Variants in SPOCD1 observed in about 807,000 individuals in gnomAD.
The protein encoded by SPOCD1 is SPOC domain containing 1.
Under a neutral mutation model 92.2 loss-of-function variants are expected in SPOCD1, and 64 were observed. The observed-to-expected ratio is 0.69, with a 90% confidence interval of 0.57 to 0.86. The LOEUF (loss-of-function observed/expected upper bound fraction) is 0.86, where lower values mean the gene tolerates loss of function less well. Ranked by LOEUF, SPOCD1 falls within the 40% of genes least tolerant of loss-of-function variation. The pLI is 0.00. For synonymous variants in SPOCD1, 578 were observed against 619.3 expected, an observed-to-expected ratio of 0.93 and a Z score of 0.99; for missense variants, 1,360 against 1,543.1, an observed-to-expected ratio of 0.88 and a Z score of 1.99.
At chr1:31,793,926 CAG>C (rs1285880508) in intron 11 of SPOCD1, 29 bp from the exon 12 acceptor site, 41 of 1,596,282 alleles carry the variant, frequency 2.6e-5, no homozygotes, top group Non-Finnish European at 3.3e-5. Context: ...GGAGCTGAAA[CAG>C]GGGCAGCAGC....
At chr1:31,792,653 G>C (rs753029813) in intron 14 of SPOCD1, 25 bp downstream of exon 14, 2 of 1,548,568 alleles carry the variant, frequency 1.3e-6, no homozygotes, top group Admixed American at 1.9e-5. Context: ...AGGAAAAGAG[G>C]GGGTGCCCAA....
Position 31,800,609 on chromosome 1 carries a change from G to T in SPOCD1, c.1434C>A (p.Ser478=). 1.2e-6 allele frequency: 2 copies of T among 1,604,174 alleles called. No individual in the cohort carries two copies. The highest frequency in any genetic ancestry group is 1.7e-6 in the Non-Finnish European group (2 of 1,174,210). ...CCCCCAGGAGCTGGATCACTGGCCCGGAACCCAGCTGCGGGGGAGATCGCA... is the reference window on the plus strand; with the variant it reads ...CCCCCAGGAGCTGGATCACTGGCCCTGAACCCAGCTGCGGGGGAGATCGCA... ...HGVKLVCYLG[S]GPVIQLLGAI... The change falls in exon 4 of 16, where the codon TCC becomes TCA. Residue 478 remains serine, a synonymous_variant. Coordinates refer to ENST00000360482, the MANE Select transcript of SPOCD1 (RefSeq NM_144569.7).
chr1:31,808,359 C>T (rs1429904431), intron 2 of SPOCD1, among the ~76,000 whole-genome samples: 2 of 151,294 alleles, frequency 1.3e-5, no homozygotes, highest in South Asian at 4.2e-4. Flanking sequence ...AACACTAACT[C>T]CTTAAATTAA....
chr1:31,792,118 A>C (rs1222899630), intron 15 of SPOCD1, 97 bp downstream of exon 15: 1 of 1,377,708 alleles, frequency 7.3e-7, no homozygotes, highest in East Asian at 2.5e-5. Context: ...TTCCCTTCTG[A>C]GATGTGCCTG....
intron 3 of SPOCD1, 37 bp downstream of exon 3, chr1:31,801,627 G>C: frequency 6.2e-7 from 1 of 1,606,700 alleles, no homozygotes; most frequent in Non-Finnish European, 8.5e-7. Context: ...CTGAGGCAAG[G>C]GAGAAAGAAA....
At position 31,798,285 on chromosome 1, in the gene SPOCD1, G is replaced by A; in HGVS notation, c.2067C>T (p.Pro689=). 1 of 1,613,932 alleles carries A rather than the reference G, an allele frequency of 6.2e-7. No homozygotes were observed. The highest frequency in any genetic ancestry group is 1.1e-5 in the South Asian group (1 of 91,088). The change falls in exon 9 of 16, where the codon CCC becomes CCT. Residue 689 remains proline (P), a synonymous_variant. Transcript: ENST00000360482. The surrounding 1 kb of genome is among the most constrained non-coding windows in gnomAD (Gnocchi z 4.1). ...FLKVVHGDVT[P]YDLVRMSSMQ... ...TCGAGCTCATCCGCACCAGGTCGTA[G>A]GGGGTGACATCTCCATGAACCACTT...
chr1:31,799,647 G>A (rs1648293900), intron 6 of SPOCD1, among the ~76,000 whole-genome samples, 162 bp from the exon 7 acceptor site: 1 of 152,124 alleles, frequency 6.6e-6, no homozygotes, highest in Non-Finnish European at 1.5e-5. Flanking sequence ...GCAGCCAGTG[G>A]CCCCCACCCC....
intron 2 of SPOCD1, among the ~76,000 whole-genome samples, chr1:31,802,779 T>A (rs988488575): frequency 3.3e-5 from 5 of 152,100 alleles, no homozygotes; most frequent in Non-Finnish European, 7.4e-5. Flanking sequence ...GAACAATACG[T>A]GTGGTGTGCT....
At chr1:31,803,695 C>T (rs1456578570) in intron 2 of SPOCD1, among the ~76,000 whole-genome samples, 1 of 151,630 alleles carries the variant, frequency 6.6e-6, no homozygotes, top group Non-Finnish European at 1.5e-5. Flanking sequence ...GAGCTATGAT[C>T]ACACCACTGT....
At position 31,798,596 on chromosome 1, in the gene SPOCD1, C is replaced by T. The variant is rs746327804; in HGVS notation, c.1874G>A (p.Arg625Gln). Residue 625 changes from arginine (R) to glutamine (Q), a missense_variant, in exon 8 of 16, where the codon CGG becomes CAG. By Grantham distance (43) the Arg-to-Gln change is conservative (BLOSUM62 1). This residue lies in a region of SPOCD1 where 606 missense variants were observed against 601.5 expected (regional missense o/e 1.01). Coordinates refer to ENST00000360482, the MANE Select transcript of SPOCD1 (RefSeq NM_144569.7). This position sits in a 1 kb window ranked among gnomAD's most constrained non-coding sequence, Gnocchi z 4.1. ...SMQEVLWTRL[R>Q]ELPDPVLSEE... ...ACTCAGCACTGGGTCTGGGAGCTCC[C>T]GAAGGCTGTGGAGGCCAGGGCAGGG... is the stretch of plus-strand genomic sequence containing the variant. 1.6e-5 allele frequency: 26 copies of T among 1,612,416 alleles called. No individual in the cohort carries two copies. Among genetic ancestry groups the T allele is most frequent in the African/African-American group, 6.7e-5 (5 of 74,902 alleles).
chr1:31,792,182 AGG>A, intron 15 of SPOCD1, 31 bp downstream of exon 15: 1 of 1,570,384 alleles, frequency 6.4e-7, no homozygotes, highest in Non-Finnish European at 8.6e-7. Context: ...AAGTGAGCAG[AGG>A]CAGGGTCTGG....
intron 12 of SPOCD1, 131 bp downstream of exon 12, chr1:31,793,616 T>C (rs1478769736): frequency 6.5e-7 from 1 of 1,537,442 alleles, no homozygotes; most frequent in Non-Finnish European, 8.9e-7. Context: ...ATGGGGAAAG[T>C]GAGGTTCCCA....
intron 15 of SPOCD1, 58 bp downstream of exon 15, chr1:31,792,157 C>G (rs1209744178): frequency 6.5e-7 from 1 of 1,539,324 alleles, no homozygotes; most frequent in Non-Finnish European, 8.8e-7. Flanking sequence ...GTCAACCGTG[C>G]CTGGTCTGGT....
chr1:31,805,085 G>A (rs1193844436), intron 2 of SPOCD1, among the ~76,000 whole-genome samples: 5 of 150,632 alleles, frequency 3.3e-5, no homozygotes, highest in Admixed American at 6.7e-5. Context: ...GGGTTCAAGC[G>A]ATTCTCCTGC....
At chr1:31,813,654 C>T (rs985744152) in intron 2 of SPOCD1, among the ~76,000 whole-genome samples, 16 of 152,066 alleles carry the variant, frequency 1.1e-4, no homozygotes, top group Non-Finnish European at 1.0e-4. Context: ...ATGAGGAAAC[C>T]TAGAGAGGTT....
At chr1:31,811,946 A>G (rs982286829) in intron 2 of SPOCD1, among the ~76,000 whole-genome samples, 4 of 152,214 alleles carry the variant, frequency 2.6e-5, no homozygotes, top group African/African-American at 9.6e-5. Flanking sequence ...CTGCAGACCC[A>G]GGAATCCCAA....
At chr1:31,792,624 G>A (rs1647681264) in intron 14 of SPOCD1, 54 bp downstream of exon 14, 2 of 1,402,666 alleles carry the variant, frequency 1.4e-6, no homozygotes, top group Non-Finnish European at 1.9e-6. Flanking sequence ...AGTGGAGAGG[G>A]AGGTGGGAGT....
Position 31,814,340 on chromosome 1 carries a change from C to A in SPOCD1, c.994G>T (p.Ala332Ser), listed in dbSNP as rs968306366. Residue 332 changes from alanine to serine, a missense_variant, in exon 2 of 16, where the codon GCG becomes TCG. By Grantham distance (99) the Ala-to-Ser change is moderately conservative. Coordinates refer to ENST00000360482, the MANE Select transcript of SPOCD1 (RefSeq NM_144569.7). This position sits in a 1 kb window ranked among gnomAD's most constrained non-coding sequence, Gnocchi z 4.2. ...PPQSAALCLG[A>S]SAQASAEQQE... ...TGCTCTGCAGAGGCCTGTGCTGACG[C>A]CCCCAGGCACAGTGCTGCGCTCTGT... The A allele has an allele frequency of 1.3e-6, 2 of 1,580,666 alleles. No homozygotes were observed. Among genetic ancestry groups the A allele is most frequent in the Admixed American group, 3.5e-5 (2 of 56,480 alleles).
At chr1:31,796,823 C>A in intron 9 of SPOCD1, 108 bp from the exon 10 acceptor site, 2 of 1,506,108 alleles carry the variant, frequency 1.3e-6, no homozygotes, top group Non-Finnish European at 1.8e-6. Context: ...TGGTTCCCCT[C>A]TCCTCAAAAC....
Sources: allele counts gnomAD v4.1 joint callset (sites outside exome capture counted in the v4.1 genomes callset), GRCh38; gene constraint gnomAD v4.1.1; regional missense constraint gnomAD v4.1.1; non-coding constraint Gnocchi (gnomAD v3.1); transcripts MANE v1.5; gene names NCBI Gene and HGNC (gene_info 2026-07-23, HGNC 2026-07-21).